Variants in SLC4A5 observed in about 807,000 individuals in gnomAD.
The protein encoded by SLC4A5 is electrogenic sodium bicarbonate cotransporter 4.
In SLC4A5, 96 loss-of-function variants were observed where a neutral mutation model predicts 120.4. That is an observed-to-expected ratio of 0.80 (90% CI 0.68 to 0.94). SLC4A5 has a LOEUF of 0.94. SLC4A5 is among the 40% of genes least tolerant of loss of function. The probability of loss-of-function intolerance (pLI) is 0.00; values close to 1 mark genes in which losing one functional copy is unlikely to be tolerated. For synonymous variants in SLC4A5, 550 were observed against 571.1 expected, an observed-to-expected ratio of 0.96 and a Z score of 0.53; for missense variants, 1,259 against 1,459.5, an observed-to-expected ratio of 0.86 and a Z score of 2.24.
intron 21 of SLC4A5, 106 bp downstream of exon 21, chr2:74,239,229 G>T: frequency 9.6e-7 from 1 of 1,040,796 alleles, no homozygotes; most frequent in Non-Finnish European, 1.4e-6. Context: ...ACCCCAGTGG[G>T]CCAGTGCTCG....
At chr2:74,305,971 G>A (rs996349058) in intron 6 of SLC4A5, among the ~76,000 whole-genome samples, 3 of 152,004 alleles carry the variant, frequency 2.0e-5, no homozygotes, top group African/African-American at 4.8e-5. Context: ...TGATCCACCC[G>A]CCTTGGCCTC....
chr2:74,322,252 C>A (rs1303653854), intron 5 of SLC4A5, among the ~76,000 whole-genome samples: 3 of 151,816 alleles, frequency 2.0e-5, no homozygotes, highest in African/African-American at 4.8e-5. Context: ...TTAGCTGAGG[C>A]CTTCCTAACT....
At chr2:74,304,519 C>T in exon 7 of SLC4A5, 2 of 1,613,840 alleles carry the variant, frequency 1.2e-6, no homozygotes, top group Non-Finnish European at 1.7e-6. Context: ...ATGCTGCTGT[C>T]CTGGCTGCTT....
rs769518125 is a variant in SLC4A5 at position 74,255,830 on chromosome 2, G to A, written c.970C>T (p.Arg324Cys). ...CCCAGCATGGCCGACTGGATGAGGC[G>A]CACGAACGCGATGAATGGCTGGTCT... Residue 324 changes from arginine (R) to cysteine (C), a missense_variant, in exon 13 of 31, where the codon CGC becomes TGC. Transcript: ENST00000394019. The surrounding 1 kb of genome is among the most constrained non-coding windows in gnomAD (Gnocchi z 4.0). 21 of 1,614,040 alleles carry A rather than the reference G, an allele frequency of 1.3e-5. No homozygotes were observed. Among genetic ancestry groups the A allele is most frequent in the South Asian group, 2.2e-5 (2 of 91,088 alleles).
chr2:74,301,584 G>C (rs1558903226), intron 7 of SLC4A5, among the ~76,000 whole-genome samples: 1 of 152,258 alleles, frequency 6.6e-6, no homozygotes, highest in Non-Finnish European at 1.5e-5. Flanking sequence ...CTACAGCAAA[G>C]AGAAGTGGGA....
chr2:74,310,406 C>T (rs1455499745), intron 6 of SLC4A5, among the ~76,000 whole-genome samples: 1 of 152,112 alleles, frequency 6.6e-6, no homozygotes, highest in African/African-American at 2.4e-5. Flanking sequence ...TTCAGTTTCT[C>T]ATCATTAAGT....
intron 7 of SLC4A5, among the ~76,000 whole-genome samples, chr2:74,301,122 C>A (rs1672465274): frequency 6.6e-6 from 1 of 152,080 alleles, no homozygotes; most frequent in Non-Finnish European, 1.5e-5. Flanking sequence ...AACCTTGCAG[C>A]ATATATTAAA....
At chr2:74,314,199 G>C (rs1431112729) in intron 6 of SLC4A5, among the ~76,000 whole-genome samples, 2 of 152,124 alleles carry the variant, frequency 1.3e-5, no homozygotes, top group Non-Finnish European at 2.9e-5. Context: ...AAAGAGCATG[G>C]TGATTTAGCT....
At chr2:74,244,637 G>A (rs1670554661) in intron 19 of SLC4A5, among the ~76,000 whole-genome samples, 1 of 151,642 alleles carries the variant, frequency 6.6e-6, no homozygotes, top group African/African-American at 2.4e-5. Context: ...AATAGAGACA[G>A]GGTCTGGCTA....
At chr2:74,286,575 T>A (rs1223757001) in intron 7 of SLC4A5, among the ~76,000 whole-genome samples, 2 of 152,250 alleles carry the variant, frequency 1.3e-5, no homozygotes, top group African/African-American at 4.8e-5. Flanking sequence ...AGTGAATACC[T>A]ACTATGTGCC....
intron 11 of SLC4A5, among the ~76,000 whole-genome samples, chr2:74,261,524 A>C (rs1253134971): frequency 6.6e-6 from 1 of 152,204 alleles, no homozygotes; most frequent in Non-Finnish European, 1.5e-5. Flanking sequence ...ATAGTCCTTC[A>C]CTGCTTTTTC....
intron 28 of SLC4A5, among the ~76,000 whole-genome samples, chr2:74,224,233 T>C (rs945045219): frequency 3.9e-5 from 6 of 152,148 alleles, no homozygotes; most frequent in African/African-American, 1.4e-4. Flanking sequence ...CCTGAGTGTT[T>C]TGGGGATGAA....
At chr2:74,304,623 T>G in exon 7 of SLC4A5, 2 of 1,614,122 alleles carry the variant, frequency 1.2e-6, no homozygotes, top group Non-Finnish European at 1.7e-6. Flanking sequence ...TCCCTTCTGG[T>G]CAGTTTTTCT....
chr2:74,271,219 G>C (rs1333951315), intron 8 of SLC4A5, among the ~76,000 whole-genome samples: 1 of 152,110 alleles, frequency 6.6e-6, no homozygotes, highest in Non-Finnish European at 1.5e-5. Context: ...CCACTGCCCA[G>C]CGAGAATGCC....
intron 4 of SLC4A5, among the ~76,000 whole-genome samples, chr2:74,331,088 G>A (rs1673355300): frequency 6.7e-6 from 1 of 149,452 alleles, no homozygotes; most frequent in Admixed American, 6.6e-5. Flanking sequence ...GGTGTAGATG[G>A]TGATAGTGAC....
intron 6 of SLC4A5, among the ~76,000 whole-genome samples, chr2:74,308,908 CTA>C (rs1312956852): frequency 6.6e-6 from 1 of 151,168 alleles, no homozygotes; most frequent in Admixed American, 6.6e-5. Context: ...GGTGTAAGGA[CTA>C]TGTCTGAATT....
chr2:74,231,278 G>T, exon 25 of SLC4A5: 4 of 1,612,742 alleles, frequency 2.5e-6, no homozygotes, highest in Non-Finnish European at 3.4e-6. Flanking sequence ...CCGTCAGGAT[G>T]AAGACGATGA....
At chr2:74,269,567 T>C (rs1426434598) in intron 8 of SLC4A5, among the ~76,000 whole-genome samples, 1 of 152,112 alleles carries the variant, frequency 6.6e-6, no homozygotes, top group African/African-American at 2.4e-5. Context: ...ATGCTCAACT[T>C]TTCTTCCTGA....
chr2:74,290,622 T>C (rs75686815), intron 7 of SLC4A5: 1 of 883,132 alleles, frequency 1.1e-6, no homozygotes, highest in Non-Finnish European at 1.3e-6. Context: ...GACAGAGAAG[T>C]GAGAGAGAGA....
Sources: allele counts gnomAD v4.1 joint callset (sites outside exome capture counted in the v4.1 genomes callset), GRCh38; gene constraint gnomAD v4.1.1; non-coding constraint Gnocchi (gnomAD v3.1); transcripts MANE v1.5; gene names NCBI Gene and HGNC (gene_info 2026-07-23, HGNC 2026-07-21).